The following CEP126 variants were observed in gnomAD, a reference collection of about 807,000 sequenced individuals.
CEP126 encodes the protein centrosomal protein 126.
CEP126 carries 74 observed loss-of-function variants against 107.8 expected under a neutral mutation model. That is an observed-to-expected ratio of 0.69 (90% CI 0.57 to 0.83). The LOEUF (loss-of-function observed/expected upper bound fraction) is 0.83, where lower values mean the gene tolerates loss of function less well. CEP126 is among the 40% of genes least tolerant of loss of function. CEP126 has a pLI of 0.00. For synonymous variants in CEP126, 449 were observed against 446.0 expected, an observed-to-expected ratio of 1.01 and a Z score of -0.08; for missense variants, 1,237 against 1,281.9, an observed-to-expected ratio of 0.96 and a Z score of 0.53.
chr11:101,988,640 T>A, intron 9 of CEP126, among the ~76,000 whole-genome samples: 1 of 152,070 alleles, frequency 6.6e-6, no homozygotes, highest in East Asian at 1.9e-4. Flanking sequence ...ATTGACAACA[T>A]GTCCAATGTG....
At chr11:101,951,676 A>G (rs991110942) in intron 4 of CEP126, among the ~76,000 whole-genome samples, 1 of 152,238 alleles carries the variant, frequency 6.6e-6, no homozygotes, top group African/African-American at 2.4e-5. Flanking sequence ...AGGAAATGAA[A>G]AAAAGCAAAA....
At chr11:101,975,530 G>A (rs760145267) in intron 6 of CEP126, among the ~76,000 whole-genome samples, 1 of 152,142 alleles carries the variant, frequency 6.6e-6, no homozygotes, top group East Asian at 1.9e-4. Flanking sequence ...CTGTGACCTT[G>A]GGCAAGTTAC....
At chr11:101,969,108 C>A (rs1406150222) in intron 6 of CEP126, among the ~76,000 whole-genome samples, 1 of 152,090 alleles carries the variant, frequency 6.6e-6, no homozygotes. Flanking sequence ...GCAGCATCAT[C>A]CTCCTGTGCT....
intron 6 of CEP126, among the ~76,000 whole-genome samples, chr11:101,974,827 A>G (rs1056671128): frequency 1.8e-4 from 28 of 152,230 alleles, no homozygotes; most frequent in African/African-American, 6.5e-4. Context: ...AAATACATAA[A>G]CAGTTTTAAG....
chr11:101,968,472 A>T (rs1359297317), intron 6 of CEP126, among the ~76,000 whole-genome samples: 1 of 152,194 alleles, frequency 6.6e-6, no homozygotes, highest in East Asian at 1.9e-4. Flanking sequence ...ATATTAGGAG[A>T]TTAGATAGAA....
intron 3 of CEP126, among the ~76,000 whole-genome samples, chr11:101,945,822 C>T (rs901644308): frequency 1.3e-5 from 2 of 152,076 alleles, no homozygotes; most frequent in Non-Finnish European, 2.9e-5. Flanking sequence ...TGCTTGGCAA[C>T]TTTATTTGCA....
intron 1 of CEP126, among the ~76,000 whole-genome samples, chr11:101,922,423 A>G (rs1306005455): frequency 6.6e-6 from 1 of 152,012 alleles, no homozygotes; most frequent in Admixed American, 6.6e-5. Flanking sequence ...TCAGCCTCCT[A>G]AAGTGATGGA....
In CEP126 at chr11:101,962,044, C is replaced by G. The variant is rs1940981368; in HGVS notation, c.1009C>G (p.Leu337Val). 6.2e-6 allele frequency: 10 copies of G among 1,613,248 alleles called. No homozygotes were observed. The highest frequency in any genetic ancestry group is 8.5e-6 in the Non-Finnish European group (10 of 1,179,488). Reference sequence around the variant, plus strand: ...AGATATTTTAAGTAAATCTAATGTTCTGCCTTCATGGGAATATTTTAATAG... The same window carrying G: ...AGATATTTTAAGTAAATCTAATGTTGTGCCTTCATGGGAATATTTTAATAG... Reference protein sequence around the residue: ...FSDILSKSNVLPSWEYFNSKE... With the variant: ...FSDILSKSNVVPSWEYFNSKE... The change falls in exon 6 of 11, where the codon CTG becomes GTG. Residue 337 changes from leucine (L) to valine (V), a missense_variant. Physicochemically the swap from Leu to Val is conservative, Grantham distance 32 (BLOSUM62 1). This residue lies in a region of CEP126 where 1,134 missense variants were observed against 1,150.5 expected (regional missense o/e 0.99). Transcript: ENST00000263468.
At chr11:101,977,017 T>G (rs1263602994) in intron 6 of CEP126, among the ~76,000 whole-genome samples, 3 of 152,212 alleles carry the variant, frequency 2.0e-5, no homozygotes, top group Non-Finnish European at 2.9e-5. Flanking sequence ...ATTACTGTAC[T>G]AATATATACA....
chr11:101,964,294 T>C (rs1292639326), intron 6 of CEP126, among the ~76,000 whole-genome samples: 1 of 144,824 alleles, frequency 6.9e-6, no homozygotes, highest in Non-Finnish European at 1.5e-5. Context: ...AGAGCAAGAC[T>C]CTGTCTGAAA....
chr11:101,940,220 G>A (rs992539929), intron 2 of CEP126, among the ~76,000 whole-genome samples: 7 of 152,176 alleles, frequency 4.6e-5, no homozygotes, highest in Non-Finnish European at 7.4e-5. Flanking sequence ...GTTGCAGTGC[G>A]CTGATACTCT....
At chr11:101,986,561 G>GT (rs568081426) in intron 8 of CEP126, among the ~76,000 whole-genome samples, 136 of 152,012 alleles carry the variant, frequency 8.9e-4, no homozygotes, top group East Asian at 4.6e-3. Context: ...GCATTATATA[G>GT]TTTTTTTCTT....
At chr11:101,971,903 G>A (rs1473318197) in intron 6 of CEP126, among the ~76,000 whole-genome samples, 1 of 151,972 alleles carries the variant, frequency 6.6e-6, no homozygotes, top group African/African-American at 2.4e-5. Context: ...GAGCCCAGGA[G>A]TTTGAGACCA....
chr11:101,946,763 G>A (rs1193626888), intron 3 of CEP126, among the ~76,000 whole-genome samples: 1 of 151,838 alleles, frequency 6.6e-6, no homozygotes, highest in East Asian at 1.9e-4. Flanking sequence ...GGAAGGCTGA[G>A]GCAGGAGAAT....
At chr11:101,959,422 G>C (rs1175952857) in intron 5 of CEP126, among the ~76,000 whole-genome samples, 1 of 152,026 alleles carries the variant, frequency 6.6e-6, no homozygotes, top group African/African-American at 2.4e-5. Flanking sequence ...CAAAATGCTG[G>C]GATTACAGGC....
At chr11:101,989,735 G>A (rs916580848) in intron 9 of CEP126, among the ~76,000 whole-genome samples, 3 of 152,104 alleles carry the variant, frequency 2.0e-5, no homozygotes, top group East Asian at 1.9e-4. Flanking sequence ...CGAGGCGGGC[G>A]GATCACGAGG....
intron 1 of CEP126, chr11:101,915,884 G>A (rs544019585): frequency 6.6e-6 from 1 of 152,636 alleles, no homozygotes; most frequent in Non-Finnish European, 1.5e-5. Flanking sequence ...ACACAGTTTG[G>A]TAAGTTGTTT....
chr11:101,981,991 C>G, intron 8 of CEP126, 27 bp downstream of exon 8: 1 of 1,237,814 alleles, frequency 8.1e-7, no homozygotes, highest in South Asian at 1.3e-5. Flanking sequence ...ACATTTTTCT[C>G]TGATCTTTGT....
intron 8 of CEP126, among the ~76,000 whole-genome samples, chr11:101,982,600 T>C (rs950057568): frequency 1.3e-5 from 2 of 152,210 alleles, no homozygotes; most frequent in Non-Finnish European, 2.9e-5. Flanking sequence ...TATTTAGCTA[T>C]GAAGGATTCT....
Sources: allele counts gnomAD v4.1 joint callset (sites outside exome capture counted in the v4.1 genomes callset), GRCh38; gene constraint gnomAD v4.1.1; regional missense constraint gnomAD v4.1.1; transcripts MANE v1.5; gene names NCBI Gene and HGNC (gene_info 2026-07-23, HGNC 2026-07-21).